NEGR1: variants seen among roughly 807,000 people sequenced by gnomAD.
NEGR1 encodes IgLON family member 4.
NEGR1 carries 10 observed loss-of-function variants against 40.9 expected under a neutral mutation model. The observed-to-expected ratio is 0.24, with a 90% CI of 0.15 to 0.42. NEGR1 has a LOEUF of 0.42. Among genes scored for constraint, NEGR1 ranks in the 10% least tolerant of loss-of-function variants. The pLI is 1.00. For missense variants in NEGR1, 352 were observed against 438.9 expected, an observed-to-expected ratio of 0.80 and a Z score of 1.77; for synonymous variants, 185 against 166.8, an observed-to-expected ratio of 1.11 and a Z score of -0.84.
intron 2 of NEGR1, among the ~76,000 whole-genome samples, chr1:71,790,614 A>G (rs1027532761): frequency 2.0e-5 from 3 of 152,092 alleles, no homozygotes; most frequent in Admixed American, 6.6e-5. Context: ...GGTAGAATTC[A>G]GGTGATTATA....
chr1:72,265,093 CACT>C (rs944947776), intron 1 of NEGR1, among the ~76,000 whole-genome samples: 2 of 150,836 alleles, frequency 1.3e-5, no homozygotes, highest in Non-Finnish European at 3.0e-5. Flanking sequence ...AACTATATCA[CACT>C]ACTAATTTCT....
intron 2 of NEGR1, among the ~76,000 whole-genome samples, chr1:71,890,188 T>A (rs979012042): frequency 8.4e-6 from 1 of 119,374 alleles, no homozygotes; most frequent in African/African-American, 3.3e-5. Context: ...GCTAACATCA[T>A]AATGACAGGA....
At chr1:71,581,167 C>T (rs1045016525) in intron 6 of NEGR1, among the ~76,000 whole-genome samples, 3 of 152,142 alleles carry the variant, frequency 2.0e-5, no homozygotes, top group African/African-American at 4.8e-5. Flanking sequence ...TGGCACATCT[C>T]TTCCCAACTC....
chr1:72,249,756 A>C (rs1424837105), intron 1 of NEGR1, among the ~76,000 whole-genome samples: 1 of 144,776 alleles, frequency 6.9e-6, no homozygotes, highest in Non-Finnish European at 1.6e-5. Flanking sequence ...GGAGAGATGC[A>C]GTTCCCGGCA....
intron 1 of NEGR1, among the ~76,000 whole-genome samples, chr1:72,257,855 T>C (rs987034393): frequency 8.5e-5 from 13 of 152,306 alleles, no homozygotes; most frequent in African/African-American, 2.9e-4. Flanking sequence ...AAATATTACA[T>C]ACTTAAGAAT....
intron 4 of NEGR1, among the ~76,000 whole-genome samples, chr1:71,691,989 C>G (rs938489121): frequency 6.6e-6 from 1 of 151,294 alleles, no homozygotes; most frequent in Non-Finnish European, 1.5e-5. Flanking sequence ...TGGTGTATAT[C>G]TTATATCCTT....
At chr1:71,536,996 A>C (rs1310070790) in intron 6 of NEGR1, among the ~76,000 whole-genome samples, 1 of 151,692 alleles carries the variant, frequency 6.6e-6, no homozygotes, top group Non-Finnish European at 1.5e-5. Flanking sequence ...TCCTTATACT[A>C]TTCAGAGTTC....
At chr1:71,977,826 A>C (rs555423508) in intron 1 of NEGR1, among the ~76,000 whole-genome samples, 1 of 151,760 alleles carries the variant, frequency 6.6e-6, no homozygotes, top group East Asian at 1.9e-4. Context: ...CAAAACAAAA[A>C]AAAAAAAGTA....
At chr1:72,210,306 A>G (rs1653554091) in intron 1 of NEGR1, among the ~76,000 whole-genome samples, 1 of 151,856 alleles carries the variant, frequency 6.6e-6, no homozygotes, top group Admixed American at 6.6e-5. Context: ...ACTGAGTTGA[A>G]AAGACTACTG....
intron 2 of NEGR1, among the ~76,000 whole-genome samples, chr1:71,785,802 C>A (rs537201166): frequency 6.6e-6 from 1 of 152,260 alleles, no homozygotes; most frequent in South Asian, 2.1e-4. Context: ...CATGAGAGAA[C>A]CCAATGTCTA....
intron 2 of NEGR1, among the ~76,000 whole-genome samples, chr1:71,917,464 C>A (rs1001444702): frequency 6.6e-6 from 1 of 152,034 alleles, no homozygotes; most frequent in East Asian, 1.9e-4. Flanking sequence ...CTTGATAAGG[C>A]CATATCAATT....
chr1:71,970,440 C>T (rs1009709236), intron 1 of NEGR1, among the ~76,000 whole-genome samples: 23 of 152,126 alleles, frequency 1.5e-4, no homozygotes, highest in African/African-American at 5.6e-4. Flanking sequence ...CCTGTAATGC[C>T]AGCACTTTGA....
At chr1:72,149,755 G>A (rs553937760) in intron 1 of NEGR1, among the ~76,000 whole-genome samples, 1 of 151,596 alleles carries the variant, frequency 6.6e-6, no homozygotes, top group South Asian at 2.1e-4. Context: ...AGTGGCACAT[G>A]ACTGTAACGC....
chr1:71,790,361 T>G (rs1657070464), intron 2 of NEGR1, among the ~76,000 whole-genome samples: 1 of 152,142 alleles, frequency 6.6e-6, no homozygotes, highest in Non-Finnish European at 1.5e-5. Context: ...ACACATTTAA[T>G]GATAAAACTA....
chr1:71,713,572 G>T (rs944797165), intron 3 of NEGR1, among the ~76,000 whole-genome samples: 1 of 152,200 alleles, frequency 6.6e-6, no homozygotes, highest in Non-Finnish European at 1.5e-5. Flanking sequence ...TAATGTAGCA[G>T]AACTGTGCTA....
intron 2 of NEGR1, among the ~76,000 whole-genome samples, chr1:71,798,820 T>C (rs1300586603): frequency 1.3e-5 from 2 of 151,984 alleles, no homozygotes; most frequent in Non-Finnish European, 2.9e-5. Context: ...TGAGTAAGAG[T>C]GTTGATACCT....
At chr1:71,672,170 TTC>T (rs1652458768) in intron 4 of NEGR1, among the ~76,000 whole-genome samples, 1 of 152,194 alleles carries the variant, frequency 6.6e-6, no homozygotes, top group Admixed American at 6.5e-5. Context: ...CATTATTGGT[TTC>T]TGGATTTAAT....
At chr1:72,126,210 C>A (rs979112060) in intron 1 of NEGR1, among the ~76,000 whole-genome samples, 2 of 151,300 alleles carry the variant, frequency 1.3e-5, no homozygotes, top group African/African-American at 2.4e-5. Flanking sequence ...TTGGAAATGG[C>A]AATTTTTCTA....
chr1:71,591,531 A>G (rs1329003787), intron 6 of NEGR1, among the ~76,000 whole-genome samples: 1 of 152,158 alleles, frequency 6.6e-6, no homozygotes, highest in Non-Finnish European at 1.5e-5. Flanking sequence ...TATTAATAAT[A>G]TACCAAAGAA....
Sources: allele counts gnomAD v4.1 joint callset (sites outside exome capture counted in the v4.1 genomes callset), GRCh38; gene constraint gnomAD v4.1.1; transcripts MANE v1.5; gene names NCBI Gene and HGNC (gene_info 2026-07-23, HGNC 2026-07-21).